Variants in RBFOX1 observed in about 807,000 individuals in gnomAD.
The protein encoded by RBFOX1 is RNA binding fox-1 homolog 1, also known as RNA binding protein fox-1 homolog 1.
Under a neutral mutation model 57.7 loss-of-function variants are expected in RBFOX1, and 8 were observed. The observed-to-expected ratio is 0.14, with a 90% CI of 0.08 to 0.25. The LOEUF (loss-of-function observed/expected upper bound fraction) is 0.25, where lower values mean the gene tolerates loss of function less well. Ranked by LOEUF, RBFOX1 falls within the 10% of genes least tolerant of loss-of-function variation. The pLI is 1.00. For synonymous variants in RBFOX1, 326 were observed against 222.4 expected (o/e 1.47, Z -4.15); for missense variants, 611 against 548.5 (o/e 1.11, Z -1.14).
intron 3 of RBFOX1, among the ~76,000 whole-genome samples, chr16:6,873,428 C>G (rs369785803): frequency 1.3e-5 from 2 of 152,112 alleles, no homozygotes; most frequent in African/African-American, 4.8e-5. Flanking sequence ...ACTATGACTA[C>G]CTATTTCAAA....
At chr16:7,697,565 C>T (rs1334586077) in intron 14 of RBFOX1, among the ~76,000 whole-genome samples, 5 of 152,082 alleles carry the variant, frequency 3.3e-5, no homozygotes, top group Admixed American at 1.3e-4. Context: ...ACTATATATG[C>T]ATGTATATAT....
intron 3 of RBFOX1, among the ~76,000 whole-genome samples, chr16:6,815,297 T>G (rs1195978583): frequency 6.6e-6 from 1 of 152,162 alleles, no homozygotes; most frequent in Non-Finnish European, 1.5e-5. Flanking sequence ...CTTGCTATTT[T>G]ATTTTCTAGG....
intron 7 of RBFOX1, among the ~76,000 whole-genome samples, chr16:7,588,514 C>T (rs573830291): frequency 6.6e-6 from 1 of 152,324 alleles, no homozygotes; most frequent in East Asian, 1.9e-4. Flanking sequence ...TTCAATAGCT[C>T]TGACGGGTCT....
chr16:7,079,820 G>T (rs1321235935), intron 4 of RBFOX1, among the ~76,000 whole-genome samples: 1 of 151,832 alleles, frequency 6.6e-6, no homozygotes, highest in Admixed American at 6.6e-5. Context: ...TTAACCCCAT[G>T]GTTGCTAGTG....
intron 2 of RBFOX1, among the ~76,000 whole-genome samples, chr16:5,490,671 C>G (rs1188296991): frequency 2.6e-5 from 4 of 152,170 alleles, no homozygotes; most frequent in African/African-American, 9.7e-5. Context: ...TCTCTGCAGA[C>G]CGCCCGGAAA....
chr16:7,582,335 T>C (rs2093836944), intron 6 of RBFOX1, among the ~76,000 whole-genome samples: 1 of 152,192 alleles, frequency 6.6e-6, no homozygotes. Flanking sequence ...TGTCCCTTTT[T>C]TTAAAAGTAT....
chr16:7,295,652 G>A (rs1305987555), intron 4 of RBFOX1, among the ~76,000 whole-genome samples: 1 of 152,070 alleles, frequency 6.6e-6, no homozygotes, highest in Non-Finnish European at 1.5e-5. Context: ...TCCAAAAGGT[G>A]TACTGCTCAC....
intron 2 of RBFOX1, among the ~76,000 whole-genome samples, chr16:6,485,296 C>G (rs1387457476): frequency 7.9e-5 from 12 of 152,176 alleles, no homozygotes; most frequent in Admixed American, 5.2e-4. Context: ...AATTGTTAAT[C>G]TGAGGAATGA....
chr16:6,484,839 T>G (rs1365216806), intron 2 of RBFOX1, among the ~76,000 whole-genome samples: 22 of 152,208 alleles, frequency 1.4e-4, no homozygotes, highest in Admixed American at 1.4e-3. Flanking sequence ...GTAGAAGAAT[T>G]TACTCATTGT....
chr16:7,457,567 T>G (rs571461294), intron 4 of RBFOX1, among the ~76,000 whole-genome samples: 3 of 152,214 alleles, frequency 2.0e-5, no homozygotes, highest in Non-Finnish European at 4.4e-5. Context: ...CTGGAGCTCT[T>G]TGATGCTCTG....
chr16:6,485,123 A>G (rs558234669), intron 2 of RBFOX1, among the ~76,000 whole-genome samples: 1 of 152,342 alleles, frequency 6.6e-6, no homozygotes, highest in African/African-American at 2.4e-5. Context: ...TTTGTTAAGT[A>G]AGTGAATGCA....
Position 7,710,871 on chromosome 16 carries a change from G to T in RBFOX1, c.*126G>T. 3.0e-6 allele frequency: 3 copies of T among 1,007,668 alleles called. No individual in the cohort carries two copies. Among genetic ancestry groups the T allele is most frequent in the Non-Finnish European group, 2.6e-6 (2 of 765,140 alleles). The allele number at this position is 1,007,668 out of a possible 1,614,324, so 62.4% of individuals were successfully genotyped here. Reference sequence around the variant, plus strand: ...AAAAAAAAAAAAATACAAATAAAAAGGAAAAAAAATTACATTTTTTATCTT... The same window carrying T: ...AAAAAAAAAAAAATACAAATAAAAATGAAAAAAAATTACATTTTTTATCTT... On this transcript the variant is annotated 3_prime_UTR_variant, in exon 16 of 16. Transcript: ENST00000550418.
chr16:7,682,541 TTTAG>T (rs2075029397), intron 14 of RBFOX1, among the ~76,000 whole-genome samples: 2 of 149,150 alleles, frequency 1.3e-5, no homozygotes, highest in Non-Finnish European at 3.0e-5. Flanking sequence ...TGTTCTTGGT[TTTAG>T]TTTTTTTTTT....
intron 10 of RBFOX1, among the ~76,000 whole-genome samples, chr16:7,625,174 G>T (rs552205172): frequency 6.6e-6 from 1 of 152,010 alleles, no homozygotes; most frequent in Admixed American, 6.6e-5. Flanking sequence ...AATGCGGGTC[G>T]CCATGATGTT....
In RBFOX1 at chr16:7,676,793, G is replaced by T. The variant is rs776698363; in HGVS notation, c.950G>T (p.Arg317Leu). The change falls in exon 14 of 16, where the codon CGC (arginine) becomes CTC (leucine). Residue 317 changes from arginine (R) to leucine (L), a missense_variant. This residue lies in a region of RBFOX1 where 267 missense variants were observed against 229.1 expected (regional missense o/e 1.17). Coordinates refer to ENST00000550418, the MANE Select transcript of RBFOX1 (RefSeq NM_018723.4). The stretch of plus-strand genomic sequence containing the variant: ...TTTTAGGGTGGTTATGCTGCATACC[G>T]CTACGCCCAGCCTACCCCTGCCACT... Reference protein sequence around the residue: ...ADIYGGYAAYRYAQPTPATAA... With the variant: ...ADIYGGYAAYLYAQPTPATAA... The T allele has an allele frequency of 6.2e-7, 1 of 1,613,170 alleles. No individual in the cohort carries two copies. Among genetic ancestry groups the T allele is most frequent in the Non-Finnish European group, 8.5e-7 (1 of 1,179,420 alleles).
intron 4 of RBFOX1, among the ~76,000 whole-genome samples, chr16:7,205,535 G>GA (rs150088415): frequency 2.0e-5 from 3 of 149,242 alleles, no homozygotes; most frequent in Admixed American, 6.7e-5. Context: ...AAAAGAAAAA[G>GA]AAAAAAAAGA....
At chr16:5,300,357 C>T (rs1455715523) in intron 1 of RBFOX1, among the ~76,000 whole-genome samples, 3 of 151,934 alleles carry the variant, frequency 2.0e-5, no homozygotes, top group African/African-American at 4.8e-5. Flanking sequence ...CTTGGGGACT[C>T]GGGAGAAAGG....
chr16:6,942,852 CCTT>C (rs2078796474), intron 3 of RBFOX1, among the ~76,000 whole-genome samples: 1 of 152,192 alleles, frequency 6.6e-6, no homozygotes, highest in South Asian at 2.1e-4. Flanking sequence ...GGAGGACAGT[CCTT>C]CTACATGGGT....
At chr16:6,430,422 A>C (rs535397545) in intron 2 of RBFOX1, among the ~76,000 whole-genome samples, 1 of 152,360 alleles carries the variant, frequency 6.6e-6, no homozygotes, top group East Asian at 1.9e-4. Flanking sequence ...GAGCTTGGGG[A>C]TTCTTCATGG....
Sources: gnomAD v4.1 joint callset for allele counts (sites outside exome capture counted in the v4.1 genomes callset) on GRCh38, gnomAD v4.1.1 for gene constraint, gnomAD v4.1.1 regional missense constraint, MANE v1.5 for transcripts, NCBI Gene and HGNC (gene_info 2026-07-23, HGNC 2026-07-21) for gene names.